The following RYR2 variants were observed in gnomAD, a reference collection of about 807,000 sequenced individuals.
RYR2 encodes the protein cardiac muscle ryanodine receptor-calcium release channel.
Under a neutral mutation model 601.1 loss-of-function variants are expected in RYR2, and 227 were observed. The observed-to-expected ratio is 0.38, with a 90% CI of 0.34 to 0.42. The LOEUF (loss-of-function observed/expected upper bound fraction) is 0.42. Ranked by LOEUF, RYR2 falls within the 10% of genes least tolerant of loss-of-function variation. The pLI, the probability that RYR2 is intolerant of heterozygous loss-of-function variation, is 1.00. For synonymous variants in RYR2, 2,223 were observed against 2,175.1 expected, an observed-to-expected ratio of 1.02 and a Z score of -0.61; for missense variants, 4,646 against 6,156.5, an observed-to-expected ratio of 0.75 and a Z score of 8.21.
chr1:237,243,052 C>G (rs749474823), intron 1 of RYR2, among the ~76,000 whole-genome samples: 2 of 151,908 alleles, frequency 1.3e-5, no homozygotes, highest in Non-Finnish European at 2.9e-5. Flanking sequence ...GCAGGTTTTC[C>G]CCAGGTGTTT....
intron 12 of RYR2, among the ~76,000 whole-genome samples, chr1:237,425,986 G>A (rs553957580): frequency 1.3e-5 from 2 of 151,790 alleles, no homozygotes; most frequent in Admixed American, 6.6e-5. Context: ...TGATTTATGC[G>A]ATCATTATTC....
chr1:237,163,855 C>T (rs771053350), intron 1 of RYR2, among the ~76,000 whole-genome samples: 7 of 152,254 alleles, frequency 4.6e-5, no homozygotes, highest in African/African-American at 7.2e-5. Flanking sequence ...GCTAAGGGAC[C>T]GCCAAGGCGG....
chr1:237,606,512 G>T (rs532246042), intron 35 of RYR2, among the ~76,000 whole-genome samples: 125 of 152,244 alleles, frequency 8.2e-4, no homozygotes, highest in South Asian at 4.6e-3. Flanking sequence ...GCGTGGGCAA[G>T]GACTTCATGT....
chr1:237,708,888 A>G lies in RYR2; in HGVS notation c.9932A>G (p.Lys3311Arg), dbSNP rs780077941. The G allele has an allele frequency of 6.2e-7, 1 of 1,611,296 alleles. No homozygotes were observed. Among genetic ancestry groups the G allele is most frequent in the Non-Finnish European group, 8.5e-7 (1 of 1,177,968 alleles). ...VFSQPIINKV[K>R]PQLLKTHFLP... ...TCCCAGCCTATAATAAATAAAGTGA[A>G]ACCTCAGCTCTTGAAAACTCATTTC... The change falls in exon 69 of 105, where the codon AAA becomes AGA. Residue 3311 changes from lysine (K) to arginine (R), a missense_variant. Transcript: ENST00000366574.
rs559610678 is a variant in RYR2, at chr1:237,311,190, G to A, written c.169-19688G>A. 2.6e-5 allele frequency among the ~76,000 whole-genome samples: 4 copies of A among 152,212 alleles called. No homozygotes were observed. The East Asian group carries it at 5.8e-4, about 22-fold the overall frequency. ...GATACACAAGTTGAAAATTATACTGGTTATGTAAACACAAATGGGGAAAAT... is the reference window on the plus strand; with the variant it reads ...GATACACAAGTTGAAAATTATACTGATTATGTAAACACAAATGGGGAAAAT... On this transcript the variant is annotated intron_variant, in intron 2 of 104. Transcript: ENST00000366574.
chr1:237,162,037 C>T (rs1676072639), intron 1 of RYR2, among the ~76,000 whole-genome samples: 1 of 152,108 alleles, frequency 6.6e-6, no homozygotes, highest in Admixed American at 6.6e-5. Context: ...TGGATATTTA[C>T]ACTTAAATGA....
chr1:237,243,149 G>A (rs1457006025), intron 1 of RYR2, among the ~76,000 whole-genome samples: 1 of 151,872 alleles, frequency 6.6e-6, no homozygotes, highest in South Asian at 2.1e-4. Flanking sequence ...GGGGTCAGGG[G>A]AGGGGTTCCC....
At chr1:237,362,667 A>C (rs1286714635) in intron 4 of RYR2, among the ~76,000 whole-genome samples, 1 of 152,116 alleles carries the variant, frequency 6.6e-6, no homozygotes, top group Non-Finnish European at 1.5e-5. Flanking sequence ...TGATGCTATA[A>C]TTTTGGTAAT....
chr1:237,403,568 T>C (rs1025264102), intron 10 of RYR2, among the ~76,000 whole-genome samples: 15 of 152,122 alleles, frequency 9.9e-5, no homozygotes, highest in African/African-American at 3.1e-4. Context: ...TAGGACTATA[T>C]GCGTGTGCCA....
intron 3 of RYR2, among the ~76,000 whole-genome samples, chr1:237,350,044 A>G (rs76999952): frequency 1.3e-5 from 2 of 152,162 alleles, no homozygotes; most frequent in Non-Finnish European, 2.9e-5. Flanking sequence ...TAATATGAAA[A>G]TATGATAAAT....
intron 27 of RYR2, among the ~76,000 whole-genome samples, chr1:237,555,690 T>G (rs1440185797): frequency 1.3e-5 from 2 of 152,158 alleles, no homozygotes; most frequent in Non-Finnish European, 2.9e-5. Context: ...CACTGAAAAT[T>G]GCAAAGAGAG....
intron 1 of RYR2, among the ~76,000 whole-genome samples, chr1:237,116,671 T>C (rs967381071): frequency 6.6e-6 from 1 of 152,084 alleles, no homozygotes; most frequent in Non-Finnish European, 1.5e-5. Context: ...GCTGGTGATA[T>C]ATATAATAAT....
intron 1 of RYR2, among the ~76,000 whole-genome samples, chr1:237,141,614 C>A (rs543178831): frequency 3.3e-5 from 5 of 152,306 alleles, no homozygotes; most frequent in African/African-American, 9.6e-5. Context: ...TCAAACAAGT[C>A]CAGCTTGGCA....
At chr1:237,209,958 T>C (rs1169180212) in intron 1 of RYR2, among the ~76,000 whole-genome samples, 1 of 152,218 alleles carries the variant, frequency 6.6e-6, no homozygotes, top group Non-Finnish European at 1.5e-5. Context: ...CTTTGTGATA[T>C]TTTTAATGAG....
intron 27 of RYR2, among the ~76,000 whole-genome samples, chr1:237,562,395 T>G (rs1671546965): frequency 6.6e-6 from 1 of 152,202 alleles, no homozygotes; most frequent in Non-Finnish European, 1.5e-5. Context: ...TTTTAATGTA[T>G]AGTTAGATCT....
intron 101 of RYR2, among the ~76,000 whole-genome samples, chr1:237,827,309 T>C (rs1663209403): frequency 6.6e-6 from 1 of 152,022 alleles, no homozygotes; most frequent in Non-Finnish European, 1.5e-5. Context: ...TCAATGAAAT[T>C]ATGGAAGCTT....
intron 1 of RYR2, among the ~76,000 whole-genome samples, chr1:237,231,674 A>C (rs1002972746): frequency 1.3e-5 from 2 of 152,190 alleles, no homozygotes; most frequent in African/African-American, 4.8e-5. Flanking sequence ...ATGTTCTCTG[A>C]TGAGGAGAAT....
At chr1:237,367,486 A>T (rs1262581015) in intron 5 of RYR2, among the ~76,000 whole-genome samples, 1 of 152,200 alleles carries the variant, frequency 6.6e-6, no homozygotes, top group Non-Finnish European at 1.5e-5. Context: ...AACAAAACAT[A>T]AAGTTATTTT....
chr1:237,413,640 A>G (rs915076858), intron 10 of RYR2, among the ~76,000 whole-genome samples: 5 of 152,074 alleles, frequency 3.3e-5, no homozygotes, highest in Non-Finnish European at 7.4e-5. Context: ...TTATTTGACA[A>G]CTTTCTCCAT....
Sources: allele counts gnomAD v4.1 joint callset (sites outside exome capture counted in the v4.1 genomes callset), GRCh38; gene constraint gnomAD v4.1.1; transcripts MANE v1.5; gene names NCBI Gene and HGNC (gene_info 2026-07-23, HGNC 2026-07-21).